Variants in RPS6KC1 observed in about 807,000 individuals in gnomAD.
RPS6KC1 encodes inactive ribosomal protein S6 kinase delta-1.
RPS6KC1 carries 54 observed loss-of-function variants against 103.8 expected under a neutral mutation model. The ratio of observed to expected loss-of-function variants is 0.52; its 90% CI spans 0.42 to 0.65. The LOEUF is 0.65. RPS6KC1 is among the 30% of genes least tolerant of loss of function. The pLI, the probability that RPS6KC1 is intolerant of heterozygous loss-of-function variation, is 0.00. For synonymous variants in RPS6KC1, 439 were observed against 438.7 expected (o/e 1.00, Z -0.01); for missense variants, 1,151 against 1,253.8 (o/e 0.92, Z 1.24).
At chr1:213,662,103 T>C in the RPS6KC1 span, among the ~76,000 whole-genome samples, 2 of 152,180 alleles carry the variant, frequency 1.3e-5, no homozygotes, top group Non-Finnish European at 2.9e-5. Context: ...CCGGAACTTC[T>C]TTTTATGACC....
intron 6 of RPS6KC1, among the ~76,000 whole-genome samples, chr1:213,146,586 C>T (rs773195330): frequency 1.9e-4 from 29 of 151,848 alleles, no homozygotes; most frequent in Middle Eastern, 3.4e-3. Flanking sequence ...CCACCATGCC[C>T]GGGTAATTTT....
chr1:213,673,204 A>G, the RPS6KC1 span, among the ~76,000 whole-genome samples: 1 of 152,230 alleles, frequency 6.6e-6, no homozygotes, highest in Non-Finnish European at 1.5e-5. Flanking sequence ...GTCCCACACT[A>G]TTATTCCCAA....
chr1:213,523,037 T>C, the RPS6KC1 span, among the ~76,000 whole-genome samples: 1 of 152,210 alleles, frequency 6.6e-6, no homozygotes, highest in Non-Finnish European at 1.5e-5. Context: ...TAATCATTTC[T>C]AGGTTTTGCT....
chr1:213,757,286 C>T, the RPS6KC1 span, among the ~76,000 whole-genome samples: 2 of 152,234 alleles, frequency 1.3e-5, no homozygotes, highest in South Asian at 4.2e-4. Flanking sequence ...ACCATTTAGC[C>T]AAGTTGTGAA....
chr1:213,800,027 C>G, the RPS6KC1 span, among the ~76,000 whole-genome samples: 1 of 152,190 alleles, frequency 6.6e-6, no homozygotes, highest in African/African-American at 2.4e-5. Flanking sequence ...TCTTCCTCTT[C>G]TTCTAAGAAC....
chr1:213,760,700 G>A, the RPS6KC1 span, among the ~76,000 whole-genome samples: 1 of 152,166 alleles, frequency 6.6e-6, no homozygotes, highest in Non-Finnish European at 1.5e-5. Context: ...ATAGTGTTTT[G>A]TTGTTGTTTA....
chr1:213,716,656 T>G, the RPS6KC1 span, among the ~76,000 whole-genome samples: 2 of 152,350 alleles, frequency 1.3e-5, no homozygotes, highest in African/African-American at 2.4e-5. Context: ...TGTACTTCTC[T>G]TATGATTCTT....
chr1:213,197,423 A>G (rs1331422845), intron 8 of RPS6KC1, among the ~76,000 whole-genome samples: 1 of 151,998 alleles, frequency 6.6e-6, no homozygotes, highest in African/African-American at 2.4e-5. Context: ...TCAGGATAGG[A>G]TGTGTTTCCA....
chr1:213,088,808 G>A (rs2080683169), intron 3 of RPS6KC1, among the ~76,000 whole-genome samples: 1 of 152,226 alleles, frequency 6.6e-6, no homozygotes, highest in East Asian at 1.9e-4. Flanking sequence ...GTTTCCATTG[G>A]CTGGTAGTCT....
the RPS6KC1 span, among the ~76,000 whole-genome samples, chr1:213,602,097 T>TC: frequency 3.0e-5 from 1 of 33,380 alleles, no homozygotes; most frequent in Non-Finnish European, 5.1e-5. Flanking sequence ...TCTTTCTTTC[T>TC]TTCTTTCTTT....
chr1:213,090,390 G>C (rs765557710), intron 3 of RPS6KC1, among the ~76,000 whole-genome samples: 1 of 152,206 alleles, frequency 6.6e-6, no homozygotes, highest in Non-Finnish European at 1.5e-5. Context: ...TCTTCAGCAT[G>C]TAGGACTGTG....
At chr1:213,087,870 C>T (rs1302760727) in intron 3 of RPS6KC1, among the ~76,000 whole-genome samples, 1 of 152,188 alleles carries the variant, frequency 6.6e-6, no homozygotes, top group Non-Finnish European at 1.5e-5. Context: ...TCCTGTGTCC[C>T]TTGTTCCCCC....
At chr1:213,093,076 A>G (rs907742812) in intron 3 of RPS6KC1, among the ~76,000 whole-genome samples, 2 of 152,172 alleles carry the variant, frequency 1.3e-5, no homozygotes, top group Non-Finnish European at 2.9e-5. Flanking sequence ...AAAGTTTCAT[A>G]TTAATCTTAA....
At chr1:213,446,082 G>A in the RPS6KC1 span, among the ~76,000 whole-genome samples, 19 of 152,152 alleles carry the variant, frequency 1.2e-4, no homozygotes, top group Non-Finnish European at 2.4e-4. Context: ...GGAGAGGATC[G>A]TGCTGTTGAA....
the RPS6KC1 span, among the ~76,000 whole-genome samples, chr1:213,793,384 C>T: frequency 1.3e-5 from 2 of 152,190 alleles, no homozygotes; most frequent in Non-Finnish European, 2.9e-5. Context: ...TCGCGACTGC[C>T]GTGCTCCCAC....
the RPS6KC1 span, among the ~76,000 whole-genome samples, chr1:213,485,113 A>G: frequency 0.04 from 6,152 of 152,142 alleles, 187 homozygotes; most frequent in Non-Finnish European, 0.059. Flanking sequence ...CAATCCTCCC[A>G]TCCTGGCCTC....
intron 8 of RPS6KC1, among the ~76,000 whole-genome samples, chr1:213,189,736 T>A (rs1046566837): frequency 5.9e-5 from 9 of 152,302 alleles, no homozygotes; most frequent in Admixed American, 5.9e-4. Context: ...TTTATCAAAT[T>A]CTAGTTGTTA....
rs777584829 is a variant in RPS6KC1, at chr1:213,249,764, C to T, written c.2911+7106C>T. On this transcript the variant is annotated intron_variant, in intron 12 of 14. Transcript: ENST00000366960. ...ATTGTTTACAGCTCAGAATTATAAT[C>T]GGTCAACCAGAAGTCATGTGGTAGT... Among the ~76,000 whole-genome samples, 3 of 152,132 alleles carry T rather than the reference C, an allele frequency of 2.0e-5. No homozygotes were observed. In the South Asian group the frequency reaches 6.2e-4, roughly 31 times the overall value.
chr1:213,369,864 TC>T, the RPS6KC1 span, among the ~76,000 whole-genome samples: 1 of 152,164 alleles, frequency 6.6e-6, no homozygotes, highest in Non-Finnish European at 1.5e-5. Flanking sequence ...GGGCCTGGGT[TC>T]GGGGGAAGTG....
Sources: gnomAD v4.1 joint callset for allele counts (sites outside exome capture counted in the v4.1 genomes callset) on GRCh38, gnomAD v4.1.1 for gene constraint, MANE v1.5 for transcripts, NCBI Gene and HGNC (gene_info 2026-07-23, HGNC 2026-07-21) for gene names.